RTF1: variants seen among roughly 807,000 people sequenced by gnomAD.
RTF1 encodes the protein RTF1 homolog, Paf1/RNA polymerase II complex component.
RTF1 carries 10 observed loss-of-function variants against 95.7 expected under a neutral mutation model. The observed-to-expected ratio is 0.10, with a 90% confidence interval of 0.06 to 0.18. The LOEUF is 0.18. RTF1 is among the 10% of genes least tolerant of loss of function. The pLI is 1.00. For synonymous variants in RTF1, 305 were observed against 311.8 expected (o/e 0.98, Z 0.23); for missense variants, 458 against 875.6 (o/e 0.52, Z 6.02).
At chr15:41,427,003 A>G (rs1451851662) in intron 1 of RTF1, among the ~76,000 whole-genome samples, 2 of 142,920 alleles carry the variant, frequency 1.4e-5, no homozygotes, top group Non-Finnish European at 3.1e-5. Context: ...CACCACGCCC[A>G]GCTAATTTTT....
At chr15:41,460,879 C>CTT (rs765169928) in intron 4 of RTF1, among the ~76,000 whole-genome samples, 6 of 135,390 alleles carry the variant, frequency 4.4e-5, no homozygotes, top group African/African-American at 5.4e-5. Context: ...TCTTTTTTTT[C>CTT]TTTTTTTTTT....
chr15:41,426,605 A>G (rs544805474), intron 1 of RTF1, among the ~76,000 whole-genome samples: 4 of 126,936 alleles, frequency 3.2e-5, no homozygotes, highest in African/African-American at 1.2e-4. Flanking sequence ...GTGCCTGGCC[A>G]TTTTTTTGTA....
At position 41,483,387 on chromosome 15, in the gene RTF1, T is replaced by G. The variant is rs920290560; in HGVS notation, c.*2700T>G. ...AGAAGCAAAAAGGCCAGTGTCCATC[T>G]GCCTAGTTCATAATGTTTATAGGTC... On this transcript the variant is annotated 3_prime_UTR_variant, in exon 18 of 18. Transcript: ENST00000389629. 2.0e-5 allele frequency: 3 copies of G among 152,680 alleles called. No individual in the cohort carries two copies. Among genetic ancestry groups the G allele is most frequent in the African/African-American group, 4.8e-5 (2 of 41,470 alleles). 9.5% of individuals were successfully genotyped at this position (152,680 alleles called of 1,614,324 possible). A position where few individuals can be genotyped will look rare whatever the true frequency, so the allele number is the denominator to read the frequency against.
intron 16 of RTF1, 79 bp from the exon 17 acceptor site, chr15:41,480,135 C>T (rs532364420): frequency 1.6e-5 from 14 of 888,656 alleles, no homozygotes; most frequent in African/African-American, 8.3e-5. Context: ...ATAAGAGCTT[C>T]GTACCGTTAG....
chr15:41,420,452 A>T (rs1206324966), intron 1 of RTF1, among the ~76,000 whole-genome samples: 1 of 152,076 alleles, frequency 6.6e-6, no homozygotes, highest in Non-Finnish European at 1.5e-5. Context: ...AGGAATCCTA[A>T]TGCATTCTGG....
At chr15:41,432,753 T>C (rs192447812) in intron 1 of RTF1, among the ~76,000 whole-genome samples, 373 of 150,572 alleles carry the variant, frequency 2.5e-3, no homozygotes, top group African/African-American at 8.7e-3. Context: ...GCCTGGCTAA[T>C]GTGGTGAAAC....
chr15:41,426,526 C>T (rs1354290946), intron 1 of RTF1, among the ~76,000 whole-genome samples: 2 of 151,686 alleles, frequency 1.3e-5, no homozygotes, highest in African/African-American at 4.8e-5. Flanking sequence ...AGGCTGATCT[C>T]GAACTCCAGA....
rs1398025121 is a variant in RTF1, at chr15:41,483,300, G to A, written c.*2613G>A. The stretch of plus-strand genomic sequence containing the variant: ...GGGCCCCTCCTCCCTCCACAGTGTG[G>A]TTTCAGTGTTGAAGGGTGCAGCACC... On this transcript the variant is annotated 3_prime_UTR_variant, in exon 18 of 18. Transcript: ENST00000389629. 6.6e-6 allele frequency: 1 copy of A among 152,516 alleles called. No individual in the cohort carries two copies. Among genetic ancestry groups the A allele is most frequent in the Non-Finnish European group, 1.5e-5 (1 of 68,018 alleles). 9.4% of individuals were successfully genotyped at this position (152,516 alleles called of 1,614,324 possible). A position where few individuals can be genotyped will look rare whatever the true frequency, so the allele number is the denominator to read the frequency against.
At chr15:41,430,006 C>CTTTTTTTTTTTTTTTTT (rs1410593149) in intron 1 of RTF1, among the ~76,000 whole-genome samples, 4 of 143,068 alleles carry the variant, frequency 2.8e-5, no homozygotes, top group Non-Finnish European at 6.1e-5. Flanking sequence ...TTTATTTTTT[C>CTTTTTTTTTTTTTTTTT]TTTTCTTTTT....
intron 16 of RTF1, 106 bp from the exon 17 acceptor site, chr15:41,480,108 A>T: frequency 1.4e-6 from 1 of 714,270 alleles, no homozygotes; most frequent in Non-Finnish European, 2.4e-6. Flanking sequence ...CTTAGTAGGA[A>T]AATCTAATGA....
intron 2 of RTF1, among the ~76,000 whole-genome samples, chr15:41,445,825 T>G (rs1451217796): frequency 6.6e-6 from 1 of 151,066 alleles, no homozygotes; most frequent in Non-Finnish European, 1.5e-5. Flanking sequence ...AACCTCTGCC[T>G]CCTGGGTTCA....
intron 9 of RTF1, 127 bp downstream of exon 9, chr15:41,474,829 C>T (rs758960599): frequency 1.2e-4 from 87 of 736,830 alleles, no homozygotes; most frequent in Non-Finnish European, 3.4e-5. Context: ...CCACAAGGTA[C>T]ACTTGGAGGG....
chr15:41,444,232 C>T (rs910546679), intron 2 of RTF1, among the ~76,000 whole-genome samples: 7 of 151,850 alleles, frequency 4.6e-5, no homozygotes, highest in African/African-American at 1.7e-4. Context: ...AATCATGCCA[C>T]TGCACTCCAA....
chr15:41,417,801 A>G (rs1306695217), intron 1 of RTF1, among the ~76,000 whole-genome samples: 1 of 152,212 alleles, frequency 6.6e-6, no homozygotes, highest in Non-Finnish European at 1.5e-5. Context: ...GGACAGAGGA[A>G]GGACACTCGT....
chr15:41,466,107 A>C lies in RTF1; in HGVS notation c.778-34A>C, dbSNP rs1181163135. On this transcript the variant is annotated intron_variant, in intron 5 of 17. Coordinates refer to ENST00000389629, the MANE Select transcript of RTF1 (RefSeq NM_015138.5). ...TAGAGAATCTTATCAGCTGTTGGTAAAAAGGGCCATTCTATATATCCTTCC... is the reference window on the plus strand; with the variant it reads ...TAGAGAATCTTATCAGCTGTTGGTACAAAGGGCCATTCTATATATCCTTCC... The C allele has an allele frequency of 5.0e-6, 7 of 1,399,574 alleles. No individual in the cohort carries two copies. In the African/African-American group the frequency reaches 1.0e-4, roughly 20 times the overall value. 86.7% of individuals were successfully genotyped at this position (1,399,574 alleles called of 1,614,324 possible).
rs897119048 is a variant in RTF1, at chr15:41,478,766, C to G, written c.1818+141C>G. 4 of 730,608 alleles carry G rather than the reference C, an allele frequency of 5.5e-6. No individual in the cohort carries two copies. The Admixed American group carries it at 9.8e-5, about 18-fold the overall frequency. The allele number at this position is 730,608 out of a possible 1,614,324, so 45.3% of individuals were successfully genotyped here. A position where few individuals can be genotyped will look rare whatever the true frequency, so the allele number is the denominator to read the frequency against. On this transcript the variant is annotated intron_variant, in intron 15 of 17. Transcript: ENST00000389629. The stretch of plus-strand genomic sequence containing the variant: ...TGTCTGAAGCTCTTGGGTCTGGATA[C>G]TTCCTTTTTTATCTTGCTATAGGAC...
chr15:41,477,341 A>C (rs991461358), intron 13 of RTF1, 55 bp downstream of exon 13: 2 of 1,613,820 alleles, frequency 1.2e-6, no homozygotes, highest in African/African-American at 2.7e-5. Context: ...TTATCAGGCA[A>C]GCCTGTGGCC....
rs374837018 is a variant in RTF1, at chr15:41,466,127, C to T, written c.778-14C>T. 8 of 1,524,262 alleles carry T rather than the reference C, an allele frequency of 5.2e-6. No individual in the cohort carries two copies. Among genetic ancestry groups the T allele is most frequent in the African/African-American group, 4.2e-5 (3 of 72,122 alleles). The allele number at this position is 1,524,262 out of a possible 1,614,324, so 94.4% of individuals were successfully genotyped here. ...TGGTAAAAAGGGCCATTCTATATAT[C>T]CTTCCCTTCCTAGGTAACATCCCAC... On this transcript the variant is annotated splice_polypyrimidine_tract_variant and intron_variant, in intron 5 of 17. Transcript: ENST00000389629.
At chr15:41,449,108 C>T (rs2050777475) in intron 2 of RTF1, among the ~76,000 whole-genome samples, 1 of 151,886 alleles carries the variant, frequency 6.6e-6, no homozygotes, top group South Asian at 2.1e-4. Flanking sequence ...TAGTCTTGAA[C>T]CCTGAGCTCA....
Sources: allele counts gnomAD v4.1 joint callset (sites outside exome capture counted in the v4.1 genomes callset), GRCh38; gene constraint gnomAD v4.1.1; transcripts MANE v1.5; gene names NCBI Gene and HGNC (gene_info 2026-07-23, HGNC 2026-07-21).